SLC39A4: variants seen among roughly 807,000 people sequenced by gnomAD.
The protein encoded by SLC39A4 is solute carrier family 39 member 4.
Under a neutral mutation model 56.6 loss-of-function variants are expected in SLC39A4, and 49 were observed. The ratio of observed to expected loss-of-function variants is 0.87; its 90% CI spans 0.69 to 1.10. The LOEUF (loss-of-function observed/expected upper bound fraction) is 1.10, where lower values mean the gene tolerates loss of function less well. Among genes scored for constraint, SLC39A4 ranks in the 50% least tolerant of loss-of-function variants. SLC39A4 has a pLI of 0.00. For missense variants in SLC39A4, 993 were observed against 864.2 expected (o/e 1.15, Z -1.87); for synonymous variants, 540 against 420.4 (o/e 1.28, Z -3.48).
In SLC39A4 at chr8:144,414,251, T is replaced by TG. The variant is rs1255181865; in HGVS notation, c.1149+10dup. On this transcript the variant is annotated intron_variant, in intron 6 of 11. Coordinates refer to ENST00000301305, the MANE Select transcript of SLC39A4 (RefSeq NM_130849.4). Reference sequence around the variant, plus strand: ...ACGGAGGGCCAGGGTCGCGGGTTTGTGGGGGCAGACCTTGGGCGTCAGATG... The same window carrying TG: ...ACGGAGGGCCAGGGTCGCGGGTTTGTGGGGGGCAGACCTTGGGCGTCAGATG... 1.9e-6 allele frequency: 3 copies of TG among 1,606,890 alleles called. No homozygotes were observed. Among genetic ancestry groups the TG allele is most frequent in the African/African-American group, 2.7e-5 (2 of 74,744 alleles).
chr8:144,412,716 T>A, intron 11 of SLC39A4, 43 bp downstream of exon 11: 1 of 1,613,322 alleles, frequency 6.2e-7, no homozygotes, highest in Non-Finnish European at 8.5e-7. Flanking sequence ...GCTCCTCTGC[T>A]CAGCTCCCGG....
At chr8:144,413,137 G>C in intron 10 of SLC39A4, 100 bp downstream of exon 10, 1 of 1,485,494 alleles carries the variant, frequency 6.7e-7, no homozygotes, top group Non-Finnish European at 9.0e-7. Context: ...AGCCAGGTGC[G>C]GCCCCGCCCA....
At chr8:144,415,665 A>G in intron 2 of SLC39A4, 145 bp downstream of exon 2, 1 of 1,283,020 alleles carries the variant, frequency 7.8e-7, no homozygotes, top group Non-Finnish European at 1.0e-6. Context: ...AGTGAGCCCC[A>G]CGTTGTGAAT....
rs199802032 is a variant in SLC39A4 at position 144,414,712 on chromosome 8, C to T, written c.976+13G>A. 1.1e-4 allele frequency: 174 copies of T among 1,612,090 alleles called. No individual in the cohort carries two copies. Among genetic ancestry groups the T allele is most frequent in the Non-Finnish European group, 1.2e-4 (143 of 1,179,340 alleles). ...CTCTGTGCTGCCAGCACAATGTCGG[C>T]GTGGGCACTCACTCTCTGACTGGCT... On this transcript the variant is annotated intron_variant, in intron 5 of 11. Transcript: ENST00000301305.
At chr8:144,413,688 G>C (rs1822008958) in intron 8 of SLC39A4, 62 bp downstream of exon 8, 3 of 1,537,246 alleles carry the variant, frequency 2.0e-6, no homozygotes, top group African/African-American at 2.7e-5. Flanking sequence ...TGGGAGTGTG[G>C]GCGTGGGAAG....
chr8:144,415,772 C>T (rs923908289), intron 2 of SLC39A4, 38 bp downstream of exon 2: 21 of 1,574,324 alleles, frequency 1.3e-5, no homozygotes, highest in Non-Finnish European at 1.8e-5. Context: ...TGGGACCCTC[C>T]TCACCCACTC....
intron 8 of SLC39A4, 67 bp downstream of exon 8, chr8:144,413,683 G>A: frequency 6.5e-7 from 1 of 1,538,308 alleles, no homozygotes; most frequent in South Asian, 1.2e-5. Context: ...GGGGCTGGGA[G>A]TGTGGGCGTG....
chr8:144,415,690 C>G, intron 2 of SLC39A4, 120 bp downstream of exon 2: 1 of 1,389,582 alleles, frequency 7.2e-7, no homozygotes, highest in Non-Finnish European at 9.5e-7. Flanking sequence ...AGCCGCAGGC[C>G]GACTCCTGGG....
At chr8:144,415,184 G>A in intron 3 of SLC39A4, 43 bp downstream of exon 3, 1 of 1,612,666 alleles carries the variant, frequency 6.2e-7, no homozygotes, top group Non-Finnish European at 8.5e-7. Context: ...TGGAGGCTGG[G>A]GACTCGGGGG....
intron 10 of SLC39A4, 105 bp from the exon 11 acceptor site, chr8:144,413,051 G>A (rs1311863518): frequency 6.2e-5 from 82 of 1,320,042 alleles, no homozygotes; most frequent in Non-Finnish European, 8.1e-5. Context: ...ACCTGTTCCC[G>A]GTCTCCCCGC....
At position 144,412,810 on chromosome 8, in the gene SLC39A4, C is replaced by T; in HGVS notation, c.1764G>A (p.Trp588Ter). 1 of 1,613,144 alleles carries T rather than the reference C, an allele frequency of 6.2e-7. No homozygotes were observed. The highest frequency in any genetic ancestry group is 8.5e-7 in the Non-Finnish European group (1 of 1,179,930). ...ACAGGCCGGTGGCCACTGCCAGGAT[C>T]CAGGCCTCGCTCTCCTCGCTGACTC... ...AVGVSEESEA[W>*]ILAVATGLFL... is the part of the protein sequence containing the mutation. The change falls in exon 11 of 12, where the codon TGG (tryptophan) becomes TGA (stop). Residue 588 changes from tryptophan to a stop codon, truncating the protein, a stop_gained. Transcript: ENST00000301305. LOFTEE classifies it high-confidence loss of function.
rs1554873038 is a variant in SLC39A4 at position 144,414,375 on chromosome 8, G to T, written c.1036C>A (p.Leu346Met). The change falls in exon 6 of 12, where the codon CTG (leucine) becomes ATG (methionine). Residue 346 changes from leucine (L) to methionine (M), a missense_variant. By Grantham distance (15) the Leu-to-Met change is conservative. Transcript: ENST00000301305. ...CTGCAGCCAGTGCAGGTCAGCAGCA[G>T]GAGGCCAAAGACCGCGCAGAGGCAG... The part of the protein sequence containing the change: ...LICLCAVFGL[L>M]LLTCTGCRGV... 2 of 1,583,536 alleles carry T rather than the reference G, an allele frequency of 1.3e-6. No homozygotes were observed.
intron 7 of SLC39A4, 32 bp from the exon 8 acceptor site, chr8:144,413,913 C>G (rs548618703): frequency 6.2e-7 from 1 of 1,609,838 alleles, no homozygotes; most frequent in East Asian, 2.2e-5. Flanking sequence ...GTCCACCAGG[C>G]CCCCAGCACA....
intron 10 of SLC39A4, 43 bp from the exon 11 acceptor site, chr8:144,412,989 A>T (rs554708114): frequency 1.3e-6 from 2 of 1,546,960 alleles, no homozygotes; most frequent in African/African-American, 1.4e-5. Flanking sequence ...TCCTAGCTAC[A>T]TGCCCCGCCC....
At position 144,413,277 on chromosome 8, in the gene SLC39A4, G is replaced by A; in HGVS notation, c.1587C>T (p.Thr529=). Residue 529 remains threonine (T), a synonymous_variant, in exon 10 of 12, where the codon ACC becomes ACT. Coordinates refer to ENST00000301305, the MANE Select transcript of SLC39A4 (RefSeq NM_130849.4). Reference sequence around the variant, plus strand: ...ACTCGTGGCAGAACACGGCCAGCGAGGTGGCCAGCCCGGTCTTCCAGGAGG... The same window carrying A: ...ACTCGTGGCAGAACACGGCCAGCGAAGTGGCCAGCCCGGTCTTCCAGGAGG... ...FASSWKTGLA[T]SLAVFCHELP... 6.3e-7 allele frequency: 1 copy of A among 1,597,904 alleles called. No individual in the cohort carries two copies. Among genetic ancestry groups the A allele is most frequent in the Admixed American group, 1.7e-5 (1 of 58,780 alleles).
intron 5 of SLC39A4, 94 bp downstream of exon 5, chr8:144,414,631 A>T (rs1822086141): frequency 6.4e-7 from 1 of 1,558,646 alleles, no homozygotes; most frequent in Admixed American, 1.8e-5. Flanking sequence ...GCCCCTGCTC[A>T]CTCTCTCCAT....
chr8:144,414,133 A>G, intron 6 of SLC39A4, 38 bp from the exon 7 acceptor site: 1 of 1,555,032 alleles, frequency 6.4e-7, no homozygotes, highest in Non-Finnish European at 8.7e-7. Flanking sequence ...GGGAGGTCCC[A>G]GGGCGCCTCC....
intron 5 of SLC39A4, 49 bp from the exon 6 acceptor site, chr8:144,414,483 CCTGCTTCCCGGGCG>C (rs782791177): frequency 6.5e-7 from 1 of 1,548,366 alleles, no homozygotes; most frequent in Non-Finnish European, 8.7e-7. Context: ...AGACTCAGCC[CCTGCTTCCCGGGCG>C]CTGCTCACCA....
intron 10 of SLC39A4, 36 bp from the exon 11 acceptor site, chr8:144,412,982 T>A (rs1200821962): frequency 3.9e-6 from 6 of 1,555,142 alleles, no homozygotes; most frequent in Non-Finnish European, 5.2e-6. Context: ...TCCGCCCTCC[T>A]AGCTACATGC....
Sources: allele counts gnomAD v4.1 joint callset, GRCh38; gene constraint gnomAD v4.1.1; transcripts MANE v1.5; gene names NCBI Gene and HGNC (gene_info 2026-07-23, HGNC 2026-07-21).